The following FMN1 variants were observed in gnomAD, a reference collection of about 807,000 sequenced individuals.
FMN1 encodes the protein formin 1, also known as formin-1.
Under a neutral mutation model 132.4 loss-of-function variants are expected in FMN1, and 110 were observed. The observed-to-expected ratio is 0.83, with a 90% CI of 0.71 to 0.97. The LOEUF (loss-of-function observed/expected upper bound fraction) is 0.97. Ranked by LOEUF, FMN1 falls within the 50% of genes least tolerant of loss-of-function variation. FMN1 has a pLI of 0.00. For missense variants in FMN1, 1,792 were observed against 1,705.3 expected (o/e 1.05, Z -0.90); for synonymous variants, 722 against 651.7 (o/e 1.11, Z -1.64).
intron 16 of FMN1, among the ~76,000 whole-genome samples, chr15:32,877,320 C>T (rs1349481068): frequency 6.7e-6 from 1 of 149,104 alleles, no homozygotes; most frequent in Non-Finnish European, 1.5e-5. Flanking sequence ...ATGGTATCAA[C>T]ACAAGAATTT....
chr15:32,801,613 A>ACC (rs1377048862), intron 18 of FMN1, among the ~76,000 whole-genome samples: 5 of 150,700 alleles, frequency 3.3e-5, no homozygotes, highest in Non-Finnish European at 7.4e-5. Flanking sequence ...AAAAACAAAA[A>ACC]CAAAAAAACA....
chr15:33,074,621 G>C (rs2038127478), intron 5 of FMN1, among the ~76,000 whole-genome samples: 2 of 152,312 alleles, frequency 1.3e-5, no homozygotes, highest in Middle Eastern at 6.8e-3. Flanking sequence ...TAAAAGGAAA[G>C]GAGAAAGGCT....
chr15:33,003,823 A>G (rs1015433077), intron 7 of FMN1, among the ~76,000 whole-genome samples: 7 of 152,250 alleles, frequency 4.6e-5, no homozygotes, highest in African/African-American at 1.7e-4. Flanking sequence ...CCAAAACAGC[A>G]TGGTTCTGGT....
intron 19 of FMN1, among the ~76,000 whole-genome samples, chr15:32,780,880 G>A (rs1281961026): frequency 6.6e-6 from 1 of 152,066 alleles, no homozygotes; most frequent in African/African-American, 2.4e-5. Flanking sequence ...ATTTTAAATT[G>A]AACCCATACA....
intron 16 of FMN1, among the ~76,000 whole-genome samples, chr15:32,867,607 C>T (rs1266134414): frequency 3.9e-5 from 6 of 152,068 alleles, no homozygotes; most frequent in East Asian, 1.9e-4. Flanking sequence ...CATGGGTTCA[C>T]GCCATTCTCC....
intron 7 of FMN1, among the ~76,000 whole-genome samples, chr15:32,972,757 G>A (rs925849856): frequency 6.6e-6 from 1 of 152,074 alleles, no homozygotes; most frequent in Non-Finnish European, 1.5e-5. Context: ...GACACCAGGT[G>A]AGTACCTTCA....
At position 33,053,550 on chromosome 15, in the gene FMN1, G is replaced by A. The variant is rs1052039071; in HGVS notation, c.2161+11407C>T. On this transcript the variant is annotated intron_variant, in intron 6 of 20. Coordinates refer to ENST00000616417, the MANE Select transcript of FMN1 (RefSeq NM_001277313.2). ...CAACAAGACTGCCCTCATTTTGGAG[G>A]CCAATAGCAAGTACTGGGTCCTCAG... Among the ~76,000 whole-genome samples, 7 of 152,254 alleles carry A rather than the reference G, an allele frequency of 4.6e-5. No individual in the cohort carries two copies. In the East Asian group the frequency reaches 1.2e-3, roughly 25 times the overall value.
At chr15:33,056,188 T>C (rs2037208290) in intron 6 of FMN1, among the ~76,000 whole-genome samples, 1 of 152,254 alleles carries the variant, frequency 6.6e-6, no homozygotes, top group African/African-American at 2.4e-5. Context: ...CCAGCAATTC[T>C]ATTTCCAGGT....
intron 4 of FMN1, chr15:33,149,702 T>C: frequency 1.2e-6 from 1 of 818,358 alleles, no homozygotes; most frequent in Non-Finnish European, 1.5e-6. Flanking sequence ...TTTCCCTCCA[T>C]TAATTTTAGA....
intron 16 of FMN1, among the ~76,000 whole-genome samples, chr15:32,863,799 G>GC (rs1343380703): frequency 1.3e-5 from 2 of 152,132 alleles, no homozygotes; most frequent in African/African-American, 4.8e-5. Context: ...TTAGCTTCCT[G>GC]CCCCCAAACA....
rs539422954 is a variant in FMN1, at chr15:33,137,775, C to A, written c.1867+15273G>T. 7.2e-5 allele frequency among the ~76,000 whole-genome samples: 11 copies of A among 152,244 alleles called. No individual in the cohort carries two copies. The South Asian group carries it at 2.3e-3, about 32-fold the overall frequency. ...AGGTACTGCGGTTTCTTAAAGAACC[C>A]ACCACCATACAGCTTGCCCAACAAA... is the stretch of plus-strand genomic sequence containing the variant. On this transcript the variant is annotated intron_variant, in intron 4 of 20. Coordinates refer to ENST00000616417, the MANE Select transcript of FMN1 (RefSeq NM_001277313.2).
At chr15:32,894,982 G>C (rs1306081861) in intron 15 of FMN1, among the ~76,000 whole-genome samples, 3 of 152,074 alleles carry the variant, frequency 2.0e-5, no homozygotes, top group African/African-American at 7.2e-5. Flanking sequence ...CTCTCCATAA[G>C]AGTATATTAT....
chr15:32,780,366 T>C (rs971476720), intron 19 of FMN1, among the ~76,000 whole-genome samples: 1 of 152,192 alleles, frequency 6.6e-6, no homozygotes, highest in African/African-American at 2.4e-5. Context: ...CCTAGTGACC[T>C]CTGGTCGTCC....
At chr15:32,903,977 C>G (rs1422276488) in intron 12 of FMN1, among the ~76,000 whole-genome samples, 1 of 152,196 alleles carries the variant, frequency 6.6e-6, no homozygotes, top group Non-Finnish European at 1.5e-5. Context: ...TTTGGAAAGA[C>G]TTGAAAATTC....
intron 16 of FMN1, among the ~76,000 whole-genome samples, chr15:32,869,033 G>A (rs983449972): frequency 2.6e-5 from 4 of 152,148 alleles, no homozygotes; most frequent in African/African-American, 9.7e-5. Context: ...AAACTTATGA[G>A]TTGAACTGCA....
intron 2 of FMN1, among the ~76,000 whole-genome samples, chr15:33,191,097 G>A (rs1966062164): frequency 6.6e-6 from 1 of 151,742 alleles, no homozygotes. Flanking sequence ...GTGAACCCGG[G>A]AGGCGGAGCT....
At chr15:32,928,687 A>AT (rs1291539812) in intron 9 of FMN1, among the ~76,000 whole-genome samples, 1 of 151,766 alleles carries the variant, frequency 6.6e-6, no homozygotes, top group East Asian at 1.9e-4. Flanking sequence ...ATGGTGACTG[A>AT]TACAACCACA....
At chr15:32,931,783 G>A (rs2061124620) in intron 9 of FMN1, among the ~76,000 whole-genome samples, 1 of 152,110 alleles carries the variant, frequency 6.6e-6, no homozygotes, top group Admixed American at 6.5e-5. Context: ...TGATCTTAGT[G>A]GAAATGCTTT....
chr15:33,106,453 G>C (rs1434252622), intron 4 of FMN1, among the ~76,000 whole-genome samples: 2 of 151,896 alleles, frequency 1.3e-5, no homozygotes, highest in Non-Finnish European at 2.9e-5. Flanking sequence ...TTAGCTTTTA[G>C]AGGAATTTTG....
Sources: gnomAD v4.1 joint callset for allele counts (sites outside exome capture counted in the v4.1 genomes callset) on GRCh38, gnomAD v4.1.1 for gene constraint, MANE v1.5 for transcripts, NCBI Gene and HGNC (gene_info 2026-07-23, HGNC 2026-07-21) for gene names.